The following SEC11A variants were observed in gnomAD, a reference collection of about 807,000 sequenced individuals.
SEC11A encodes signal peptidase complex catalytic subunit SEC11A.
Under a neutral mutation model 25.6 loss-of-function variants are expected in SEC11A, and 14 were observed. The ratio of observed to expected loss-of-function variants is 0.55; its 90% CI spans 0.36 to 0.85. The LOEUF (loss-of-function observed/expected upper bound fraction) is 0.85. Among genes scored for constraint, SEC11A ranks in the 40% least tolerant of loss-of-function variants. SEC11A has a pLI of 0.01. For missense variants in SEC11A, 153 were observed against 222.9 expected (o/e 0.69, Z 2.00); for synonymous variants, 83 against 76.4 (o/e 1.09, Z -0.45).
At chr15:84,714,371 C>G (rs753284964) in intron 1 of SEC11A, among the ~76,000 whole-genome samples, 9 of 152,332 alleles carry the variant, frequency 5.9e-5, no homozygotes, top group South Asian at 2.1e-4. Flanking sequence ...GACCACAGTA[C>G]AGCCAATACT....
chr15:84,688,642 A>G (rs1213093633), intron 2 of SEC11A, among the ~76,000 whole-genome samples: 1 of 152,226 alleles, frequency 6.6e-6, no homozygotes, highest in African/African-American at 2.4e-5. Flanking sequence ...TACAAACTCC[A>G]AACACTTTTG....
At chr15:84,705,940 T>C (rs909262625) in intron 1 of SEC11A, among the ~76,000 whole-genome samples, 6 of 151,882 alleles carry the variant, frequency 4.0e-5, no homozygotes, top group Non-Finnish European at 7.4e-5. Flanking sequence ...AGATGGAGTC[T>C]TGCTCTTGTC....
chr15:84,677,012 G>C (rs1897153016), intron 4 of SEC11A, among the ~76,000 whole-genome samples: 1 of 151,632 alleles, frequency 6.6e-6, no homozygotes, highest in African/African-American at 2.4e-5. Context: ...GATTGCTTGG[G>C]CCTGGGAGGT....
At chr15:84,691,104 C>T (rs992966185) in intron 2 of SEC11A, among the ~76,000 whole-genome samples, 5 of 137,834 alleles carry the variant, frequency 3.6e-5, no homozygotes, top group South Asian at 2.3e-4. Flanking sequence ...GACAGGGTCT[C>T]GCTCTGTCAC....
chr15:84,676,578 G>A (rs187619348), intron 4 of SEC11A, among the ~76,000 whole-genome samples: 1 of 151,658 alleles, frequency 6.6e-6, no homozygotes, highest in East Asian at 1.9e-4. Context: ...GTTCGAGACC[G>A]CCTGGCTAAC....
intron 1 of SEC11A, among the ~76,000 whole-genome samples, chr15:84,715,431 T>C (rs957946646): frequency 1.3e-5 from 2 of 152,122 alleles, no homozygotes; most frequent in Non-Finnish European, 2.9e-5. Context: ...TGTAAAACCA[T>C]AGATTCCGAG....
intron 3 of SEC11A, among the ~76,000 whole-genome samples, chr15:84,685,270 T>C (rs1596073120): frequency 1.3e-5 from 2 of 152,276 alleles, no homozygotes; most frequent in Admixed American, 1.3e-4. Flanking sequence ...TCTTTTTTCT[T>C]TTTTTGAGAT....
At chr15:84,715,083 G>A (rs975714458) in intron 1 of SEC11A, among the ~76,000 whole-genome samples, 15 of 152,260 alleles carry the variant, frequency 9.9e-5, no homozygotes, top group African/African-American at 3.6e-4. Context: ...GCTAAGGCCT[G>A]AAGGGGAGTA....
intron 3 of SEC11A, among the ~76,000 whole-genome samples, chr15:84,682,803 A>G (rs1242100650): frequency 5.3e-5 from 8 of 152,182 alleles, no homozygotes; most frequent in African/African-American, 1.9e-4. Context: ...CTAAAGAACC[A>G]TGAAGTTTCT....
chr15:84,706,305 G>A (rs1228265589), intron 1 of SEC11A, among the ~76,000 whole-genome samples: 4 of 152,008 alleles, frequency 2.6e-5, no homozygotes, highest in Non-Finnish European at 5.9e-5. Flanking sequence ...TGGTCACTTC[G>A]GGCTCCTCAT....
intron 3 of SEC11A, 65 bp from the exon 4 acceptor site, chr15:84,680,897 T>A: frequency 6.9e-7 from 1 of 1,457,978 alleles, no homozygotes; most frequent in East Asian, 2.3e-5. Context: ...ACAAAATCTG[T>A]TCTTGTTAAC....
At chr15:84,672,320 G>C (rs1313195544) in intron 4 of SEC11A, 1 of 154,898 alleles carries the variant, frequency 6.5e-6, no homozygotes, top group Non-Finnish European at 1.4e-5. Flanking sequence ...ATGCCGAGTC[G>C]AAGCTGGACT....
intron 1 of SEC11A, 41 bp downstream of exon 1, chr15:84,715,984 G>A (rs1189326339): frequency 1.2e-6 from 2 of 1,601,690 alleles, no homozygotes; most frequent in Middle Eastern, 1.7e-4. Flanking sequence ...GCCTCGAAGG[G>A]ACAAGAAGAG....
chr15:84,693,115 GC>G (rs1567039691), intron 1 of SEC11A, among the ~76,000 whole-genome samples: 1 of 152,108 alleles, frequency 6.6e-6, no homozygotes, highest in Admixed American at 6.5e-5. Flanking sequence ...GAGCCACCAT[GC>G]CTGGTCACTT....
chr15:84,692,770 A>G lies in SEC11A; in HGVS notation c.52-1126T>C, dbSNP rs932095850. 3.3e-5 allele frequency among the ~76,000 whole-genome samples: 5 copies of G among 152,336 alleles called. No homozygotes were observed. The East Asian group carries it at 9.6e-4, about 29-fold the overall frequency. On this transcript the variant is annotated intron_variant, in intron 1 of 5. Transcript: ENST00000268220. ...AGTACTGGGAGAAATCTGAAAAAGCATATATTAAGGTCCAACTATGAAGAA... is the reference window on the plus strand; with the variant it reads ...AGTACTGGGAGAAATCTGAAAAAGCGTATATTAAGGTCCAACTATGAAGAA...
intron 1 of SEC11A, among the ~76,000 whole-genome samples, chr15:84,696,570 C>T: frequency 6.6e-6 from 1 of 152,138 alleles, no homozygotes; most frequent in East Asian, 1.9e-4. Flanking sequence ...TAATCCCTTA[C>T]TCAAAACCCT....
At chr15:84,674,810 T>C (rs1897094578) in intron 4 of SEC11A, among the ~76,000 whole-genome samples, 1 of 152,204 alleles carries the variant, frequency 6.6e-6, no homozygotes, top group African/African-American at 2.4e-5. Flanking sequence ...TTCTCCCATC[T>C]TGGCCTCTTA....
chr15:84,703,202 C>G (rs1339223264), intron 1 of SEC11A, among the ~76,000 whole-genome samples: 11 of 152,162 alleles, frequency 7.2e-5, no homozygotes, highest in Admixed American at 7.2e-4. Flanking sequence ...AGACTAACAA[C>G]TTGACCATGG....
At chr15:84,700,187 T>C (rs1228197869) in intron 1 of SEC11A, among the ~76,000 whole-genome samples, 2 of 151,796 alleles carry the variant, frequency 1.3e-5, no homozygotes, top group African/African-American at 4.9e-5. Context: ...TCACAAAGTC[T>C]GGCAACCAAT....
Sources: allele counts gnomAD v4.1 joint callset (sites outside exome capture counted in the v4.1 genomes callset), GRCh38; gene constraint gnomAD v4.1.1; transcripts MANE v1.5; gene names NCBI Gene and HGNC (gene_info 2026-07-23, HGNC 2026-07-21).